Variants in TRIM66 observed in about 807,000 individuals in gnomAD.
The protein encoded by TRIM66 is tripartite motif containing 66.
In TRIM66, 99 loss-of-function variants were observed where a neutral mutation model predicts 148.2. That is an observed-to-expected ratio of 0.67 (90% confidence interval 0.57 to 0.79). The LOEUF is 0.79. Ranked by LOEUF, TRIM66 falls within the 30% of genes least tolerant of loss-of-function variation. The pLI is 0.00. For synonymous variants in TRIM66, 616 were observed against 635.9 expected (o/e 0.97, Z 0.47); for missense variants, 1,666 against 1,697.9 (o/e 0.98, Z 0.33).
intron 15 of TRIM66, among the ~76,000 whole-genome samples, chr11:8,633,322 C>A (rs1381035050): frequency 6.8e-6 from 1 of 147,064 alleles, no homozygotes; most frequent in Non-Finnish European, 1.5e-5. Context: ...AACTCCATCT[C>A]AAAAAAAAAA....
chr11:8,676,617 A>T (rs571701568), intron 3 of TRIM66, among the ~76,000 whole-genome samples: 1 of 152,188 alleles, frequency 6.6e-6, no homozygotes. Context: ...AATTGAAGTA[A>T]CTCCATGAAA....
chr11:8,618,003 C>T lies in TRIM66; in HGVS notation c.4120G>A (p.Glu1374Lys). 6.4e-7 allele frequency: 1 copy of T among 1,551,350 alleles called. No individual in the cohort carries two copies. Among genetic ancestry groups the T allele is most frequent in the Non-Finnish European group, 8.7e-7 (1 of 1,146,764 alleles). Reference sequence around the variant, plus strand: ...GACATTCTTTTTGCTCTTTCATTCTCCTGAAAGAAAAATATATATTTGGAA... The same window carrying T: ...GACATTCTTTTTGCTCTTTCATTCTTCTGAAAGAAAAATATATATTTGGAA... The part of the protein sequence containing the change: ...IQPKRRRRHM[E>K]NERAKRMSFR... The change falls in exon 25 of 25, where the codon GAG becomes AAG. Residue 1374 changes from glutamate (E) to lysine (K), a missense_variant and splice_region_variant. Physicochemically the swap from Glu to Lys is moderately conservative, Grantham distance 56 (BLOSUM62 1). Transcript: ENST00000646038.
At chr11:8,618,582 C>A in intron 24 of TRIM66, 168 bp downstream of exon 24, 1 of 640,922 alleles carries the variant, frequency 1.6e-6, no homozygotes, top group Non-Finnish European at 2.7e-6. Flanking sequence ...CATTGATGGG[C>A]CCTGTACTGC....
In TRIM66 at chr11:8,651,922, TAGC is replaced by T; in HGVS notation, c.341-22_341-20del. 6.5e-7 allele frequency: 1 copy of T among 1,541,442 alleles called. No individual in the cohort carries two copies. The highest frequency in any genetic ancestry group is 8.8e-7 in the Non-Finnish European group (1 of 1,139,096). On this transcript the variant is annotated intron_variant, in intron 6 of 24. Coordinates refer to ENST00000646038, the MANE Select transcript of TRIM66 (RefSeq NM_001388022.1). ...ATGAGCTCTGTGCAAGAAAGAAAGA[TAGC>T]AGAGTCAGGGCAACATGGCTGATTA...
chr11:8,665,791 T>C (rs2038551389), intron 6 of TRIM66, among the ~76,000 whole-genome samples: 2 of 151,332 alleles, frequency 1.3e-5, no homozygotes, highest in African/African-American at 2.4e-5. Flanking sequence ...CTACTAAAAA[T>C]ACAAAAAATT....
Position 8,648,322 on chromosome 11 carries a change from G to A in TRIM66, c.725+94C>T, listed in dbSNP as rs1324438413. On this transcript the variant is annotated intron_variant, in intron 9 of 24. Transcript: ENST00000646038. ...GGGGCTGCAGGTTGGCTTGGGCAGG[G>A]AGAAGATTCTGATGCACGGGGATTC... The A allele has an allele frequency of 3.3e-6, 5 of 1,497,768 alleles. No homozygotes were observed. In the East Asian group the frequency reaches 1.2e-4, roughly 37 times the overall value. The allele number at this position is 1,497,768 out of a possible 1,614,324, so 92.8% of individuals were successfully genotyped here.
At position 8,641,938 on chromosome 11, in the gene TRIM66, G is replaced by A. The variant is rs545049968; in HGVS notation, c.1223-786C>T. 2.2e-4 allele frequency among the ~76,000 whole-genome samples: 33 copies of A among 152,268 alleles called. No individual in the cohort carries two copies. In the East Asian group the frequency reaches 3.7e-3, roughly 17 times the overall value. On this transcript the variant is annotated intron_variant, in intron 13 of 24. Coordinates refer to ENST00000646038, the MANE Select transcript of TRIM66 (RefSeq NM_001388022.1). ...GTTTCCTGAGGCCTCCCCAGAAGCC[G>A]AGCAGGTTCCAGGATCATGCTTCCT...
chr11:8,681,093 G>T (rs1158558690), intron 1 of TRIM66, among the ~76,000 whole-genome samples: 1 of 152,128 alleles, frequency 6.6e-6, no homozygotes, highest in East Asian at 1.9e-4. Flanking sequence ...ACTCTTTTGG[G>T]GAGCTTGGCT....
rs1591983153 is a variant in TRIM66 at position 8,615,268 on chromosome 11, T to A, written c.*2676A>T. The A allele has an allele frequency of 6.6e-6, 1 of 152,226 alleles. No homozygotes were observed. The highest frequency in any genetic ancestry group is 1.5e-5 in the Non-Finnish European group (1 of 68,038). The allele number at this position is 152,226 out of a possible 1,614,324, so 9.4% of individuals were successfully genotyped here. ...AATTTAAAAATCCTGAACCAATTTT[T>A]AACTAAAATCCCCTTGCATCAACTG... On this transcript the variant is annotated 3_prime_UTR_variant, in exon 25 of 25. Coordinates refer to ENST00000646038, the MANE Select transcript of TRIM66 (RefSeq NM_001388022.1).
rs1346294223 is a variant in TRIM66 at position 8,625,247 on chromosome 11, G to C, written c.2311-19C>G. On this transcript the variant is annotated intron_variant, in intron 15 of 24. Transcript: ENST00000646038. ...TGGAGTGCTGCAGGAACAGAGACAA[G>C]GGGTAGAGTCAGGCTGCTAGCTGGG... 1 of 1,476,822 alleles carries C rather than the reference G, an allele frequency of 6.8e-7. No individual in the cohort carries two copies. The highest frequency in any genetic ancestry group is 9.0e-7 in the Non-Finnish European group (1 of 1,108,530). 91.5% of individuals were successfully genotyped at this position (1,476,822 alleles called of 1,614,324 possible).
rs2036260138 is a variant in TRIM66, at chr11:8,640,391, T to C, written c.1984A>G (p.Met662Val). Residue 662 changes from methionine to valine, a missense_variant, in exon 14 of 25, where the codon ATG becomes GTG. By Grantham distance (21) the Met-to-Val change is conservative. Coordinates refer to ENST00000646038, the MANE Select transcript of TRIM66 (RefSeq NM_001388022.1). Reference sequence around the variant, plus strand: ...AGAAGAAGCTCCAAGTCCTTCTGCATTTCCTCCAGCTCAAACTTGTGATGC... The same window carrying C: ...AGAAGAAGCTCCAAGTCCTTCTGCACTTCCTCCAGCTCAAACTTGTGATGC... ...IMHHKFELEE[M>V]QKDLELLLQA... 6.4e-7 allele frequency: 1 copy of C among 1,551,922 alleles called. No homozygotes were observed. Among genetic ancestry groups the C allele is most frequent in the Non-Finnish European group, 8.7e-7 (1 of 1,147,068 alleles).
Position 8,620,052 on chromosome 11 carries a change from G to C in TRIM66, c.3745C>G (p.Leu1249Val), listed in dbSNP as rs1224131724. The change falls in exon 22 of 25, where the codon CTG becomes GTG. Residue 1249 changes from leucine (L) to valine (V), a missense_variant and splice_region_variant. By Grantham distance (32) the Leu-to-Val change is conservative. Transcript: ENST00000646038. The stretch of plus-strand genomic sequence containing the variant: ...GAGAACAGCGTGGCCTTCCTTACCA[G>C]GGGGCTGACAGGTTCATGGAAGGGC... ...SLPFHEPVSP[L>V]ARHYYQIIKR... 1.7e-5 allele frequency: 27 copies of C among 1,551,504 alleles called. No homozygotes were observed. Among genetic ancestry groups the C allele is most frequent in the Non-Finnish European group, 2.1e-5 (24 of 1,146,864 alleles).
At chr11:8,665,034 G>C (rs1304727175) in intron 6 of TRIM66, among the ~76,000 whole-genome samples, 2 of 151,936 alleles carry the variant, frequency 1.3e-5, no homozygotes, top group Admixed American at 1.3e-4. Flanking sequence ...CTGGTTGGAG[G>C]CATTGAAGCT....
intron 7 of TRIM66, among the ~76,000 whole-genome samples, chr11:8,650,190 T>C (rs1029632178): frequency 1.3e-5 from 2 of 151,890 alleles, no homozygotes; most frequent in Admixed American, 6.6e-5. Context: ...CTGGGCAACA[T>C]AGTGAGACCC....
At position 8,624,350 on chromosome 11, in the gene TRIM66, G is replaced by C. The variant is rs766317081; in HGVS notation, c.3019+9C>G. The stretch of plus-strand genomic sequence containing the variant: ...GGCCAACATGAAGGGCAGGCTGCTT[G>C]AGTCTCACCTTTTGGGTTCTGGTAC... On this transcript the variant is annotated intron_variant, in intron 17 of 24. Transcript: ENST00000646038. The C allele has an allele frequency of 1.3e-6, 2 of 1,549,338 alleles. No homozygotes were observed. The highest frequency in any genetic ancestry group is 2.0e-5 in the Admixed American group (1 of 50,366).
chr11:8,623,039 C>T (rs1358826894), intron 17 of TRIM66, among the ~76,000 whole-genome samples, 163 bp from the exon 18 acceptor site: 1 of 152,172 alleles, frequency 6.6e-6, no homozygotes, highest in African/African-American at 2.4e-5. Flanking sequence ...GACAAGTCTG[C>T]CGTGGATCTC....
rs10840109 is a variant in TRIM66 at position 8,682,492 on chromosome 11, G to T, written c.-548+109C>A. On this transcript the variant is annotated intron_variant, in intron 1 of 24. Transcript: ENST00000646038. ...GCTTAGGCGGTTCCCTGACCAAGGC[G>T]CCAGAAAAGGGCCTGGCTCAAGCAA... The T allele has an allele frequency of 1.2e-4, 53 of 452,948 alleles. No individual in the cohort carries two copies. In the Middle Eastern group the frequency reaches 2.4e-3, roughly 20 times the overall value. 28.1% of individuals were successfully genotyped at this position (452,948 alleles called of 1,614,324 possible).
intron 8 of TRIM66, among the ~76,000 whole-genome samples, chr11:8,649,204 T>C (rs1424562369): frequency 2.0e-5 from 3 of 152,152 alleles, no homozygotes; most frequent in African/African-American, 7.2e-5. Flanking sequence ...CTGGGCGCGG[T>C]GGCGCATGCC....
chr11:8,651,703 T>A, intron 7 of TRIM66, 97 bp downstream of exon 7: 2 of 984,224 alleles, frequency 2.0e-6, no homozygotes, highest in Non-Finnish European at 1.6e-6. Flanking sequence ...AAGTAACAAA[T>A]CAGATGATAG....
Sources: allele counts gnomAD v4.1 joint callset (sites outside exome capture counted in the v4.1 genomes callset), GRCh38; gene constraint gnomAD v4.1.1; transcripts MANE v1.5; gene names NCBI Gene and HGNC (gene_info 2026-07-23, HGNC 2026-07-21).